GYPB: variants seen among roughly 807,000 people sequenced by gnomAD.
The protein encoded by GYPB is glycophorin-B.
Under a neutral mutation model 15.3 loss-of-function variants are expected in GYPB, and 13 were observed. The ratio of observed to expected loss-of-function variants is 0.85; its 90% CI spans 0.55 to 1.35. The LOEUF (loss-of-function observed/expected upper bound fraction) is 1.35. Ranked by LOEUF, GYPB falls within the 40% of genes most tolerant of loss-of-function variation. The probability of loss-of-function intolerance (pLI) is 0.00; values close to 1 mark genes in which losing one functional copy is unlikely to be tolerated. For synonymous variants in GYPB, 38 were observed against 36.9 expected (o/e 1.03, Z -0.11); for missense variants, 131 against 108.3 (o/e 1.21, Z -0.93).
intron 1 of GYPB, among the ~76,000 whole-genome samples, chr4:144,015,744 C>G (rs1728453396): frequency 6.6e-6 from 1 of 151,248 alleles, no homozygotes; most frequent in South Asian, 2.1e-4. Context: ...TATTTCACAC[C>G]ATGCTAAATA....
intron 1 of GYPB, among the ~76,000 whole-genome samples, chr4:144,018,110 T>C (rs2149972592): frequency 6.6e-6 from 1 of 151,496 alleles, no homozygotes; most frequent in African/African-American, 2.5e-5. Flanking sequence ...CGCTTAACAT[T>C]TTACTTTGTT....
At position 144,019,270 on chromosome 4, in the gene GYPB, G is replaced by T. The variant is rs776532157; in HGVS notation, c.18C>A (p.Ile6=). 1.5e-5 allele frequency: 24 copies of T among 1,611,526 alleles called. No individual in the cohort carries two copies. Among genetic ancestry groups the T allele is most frequent in the Non-Finnish European group, 1.6e-5 (19 of 1,179,414 alleles). Residue 6 remains isoleucine (I), a synonymous_variant, in exon 1 of 5, where the codon ATC becomes ATA. Transcript: ENST00000502664. MYGKI[I]FVLLLSEIVS... ...ACTTACCTGACAATAGTAATACAAAGATTATTTTTCCATACATCCTGAGAT... is the reference window on the plus strand; with the variant it reads ...ACTTACCTGACAATAGTAATACAAATATTATTTTTCCATACATCCTGAGAT...
chr4:144,001,111 A>G (rs1727596510), intron 2 of GYPB, 74 bp downstream of exon 2: 1 of 1,610,402 alleles, frequency 6.2e-7, no homozygotes, highest in African/African-American at 1.4e-5. Flanking sequence ...CTGCAGTGAC[A>G]GGTCCCCTAA....
At chr4:144,014,741 A>C (rs139790967) in intron 1 of GYPB, among the ~76,000 whole-genome samples, 1 of 151,410 alleles carries the variant, frequency 6.6e-6, no homozygotes, top group Non-Finnish European at 1.5e-5. Flanking sequence ...AAATGCTACC[A>C]ATTGTACACT....
rs1560703055 is a variant in GYPB, at chr4:143,997,597, C to G, written c.213G>C (p.Met71Ile). The G allele has an allele frequency of 3.8e-6, 6 of 1,596,702 alleles. No individual in the cohort carries two copies. The highest frequency in any genetic ancestry group is 5.1e-6 in the Non-Finnish European group (6 of 1,166,612). Residue 71 changes from methionine to isoleucine, a missense_variant, in exon 4 of 5, where the codon ATG becomes ATC. Coordinates refer to ENST00000502664, the MANE Select transcript of GYPB (RefSeq NM_002100.6). ...VVIILIILCV[M>I]AGIIGTILLI... ...AGAGGATCGTTCCAATAATACCAGC[C>G]ATCACACACAAAATAATGAGTATTA...
At chr4:144,000,498 A>C (rs1426351096) in intron 2 of GYPB, 4 of 709,540 alleles carry the variant, frequency 5.6e-6, no homozygotes, top group Non-Finnish European at 6.3e-6. Flanking sequence ...GAAGTTGAGA[A>C]AGGGAACAAG....
Position 144,001,230 on chromosome 4 carries a change from T to A in GYPB, c.91A>T (p.Thr31Ser), listed in dbSNP as rs1727604981. Residue 31 changes from threonine (T) to serine (S), a missense_variant, in exon 2 of 5, where the codon ACC (threonine) becomes TCC (serine). Thr to Ser is a moderately conservative substitution (Grantham distance 58, BLOSUM62 1). Coordinates refer to ENST00000502664, the MANE Select transcript of GYPB (RefSeq NM_002100.6). Reference protein sequence around the residue: ...STTEVAMHTSTSSSVTKSYIS... With the variant: ...STTEVAMHTSSSSSVTKSYIS... Reference sequence around the variant, plus strand: ...TAACTCTTTGTGACTGAAGAAGAGGTTGAAGTGTGCATTGCCACCTCAGTG... The same window carrying A: ...TAACTCTTTGTGACTGAAGAAGAGGATGAAGTGTGCATTGCCACCTCAGTG... 6.2e-7 allele frequency: 1 copy of A among 1,612,716 alleles called. No homozygotes were observed. The highest frequency in any genetic ancestry group is 1.4e-5 in the African/African-American group (1 of 73,942).
chr4:144,001,901 C>A (rs780127073), intron 1 of GYPB, among the ~76,000 whole-genome samples: 3 of 135,492 alleles, frequency 2.2e-5, no homozygotes, highest in African/African-American at 5.6e-5. Context: ...CCCAGGAGGC[C>A]GAGCTTGCAG....
chr4:144,017,038 A>G (rs1452777040), intron 1 of GYPB, among the ~76,000 whole-genome samples: 5 of 150,682 alleles, frequency 3.3e-5, no homozygotes, highest in Non-Finnish European at 7.4e-5. Context: ...TTAATAAGAT[A>G]GTTGTTGTTC....
chr4:144,003,811 T>G lies in GYPB; in HGVS notation c.38-2528A>C, dbSNP rs368276263. Among the ~76,000 whole-genome samples the G allele has an allele frequency of 2.4e-3, 371 of 151,450 alleles. 18 individuals carry two copies. The highest frequency in any genetic ancestry group is 0.017 in the Middle Eastern group (5 of 294). The stretch of plus-strand genomic sequence containing the variant: ...GGCTGAAACCCCAGAGATCAAACAC[T>G]GTACTCAAGTTTACAAAGCTGGACT... On this transcript the variant is annotated intron_variant, in intron 1 of 4. Coordinates refer to ENST00000502664, the MANE Select transcript of GYPB (RefSeq NM_002100.6).
At chr4:144,009,601 C>CTTTTTTTTTTTTTTTTTTTTTTTTTTT in intron 1 of GYPB, among the ~76,000 whole-genome samples, 1 of 57,782 alleles carries the variant, frequency 1.7e-5, no homozygotes, top group Non-Finnish European at 2.8e-5. Flanking sequence ...TTTTTTCTTT[C>CTTTTTTTTTTTTTTTTTTTTTTTTTTT]TTTTTTTTTT....
chr4:144,006,973 C>T (rs1310765009), intron 1 of GYPB, among the ~76,000 whole-genome samples: 4 of 150,726 alleles, frequency 2.7e-5, no homozygotes, highest in Non-Finnish European at 5.9e-5. Flanking sequence ...TTGAAGAAGA[C>T]TGTTCCCATG....
intron 2 of GYPB, 55 bp downstream of exon 2, chr4:144,001,130 T>C: frequency 6.2e-7 from 1 of 1,612,222 alleles, no homozygotes. Context: ...AAAATAGGGT[T>C]GCATCACAAA....
chr4:143,999,296 G>A lies in GYPB; in HGVS notation c.175+115C>T, dbSNP rs536542108. ...GTCTTTACAATTTCGTGTGAATAAA[G>A]TTAACAACATATGCTCTTCTGTTTT... On this transcript the variant is annotated intron_variant, in intron 3 of 4. Coordinates refer to ENST00000502664, the MANE Select transcript of GYPB (RefSeq NM_002100.6). 5 of 637,350 alleles carry A rather than the reference G, an allele frequency of 7.8e-6. No homozygotes were observed. In the African/African-American group the frequency reaches 9.9e-5, roughly 13 times the overall value. The allele number at this position is 637,350 out of a possible 1,614,324, so 39.5% of individuals were successfully genotyped here.
At chr4:144,003,274 C>T (rs1727720611) in intron 1 of GYPB, among the ~76,000 whole-genome samples, 1 of 151,252 alleles carries the variant, frequency 6.6e-6, no homozygotes, top group Non-Finnish European at 1.5e-5. Flanking sequence ...AAATCACTGT[C>T]AGTAGTATGG....
At chr4:144,018,017 G>A (rs1308399874) in intron 1 of GYPB, among the ~76,000 whole-genome samples, 4 of 151,022 alleles carry the variant, frequency 2.6e-5, no homozygotes, top group African/African-American at 9.9e-5. Flanking sequence ...ATTATTGATA[G>A]CTACTAATTA....
intron 1 of GYPB, among the ~76,000 whole-genome samples, chr4:144,018,716 A>C (rs937867546): frequency 1.3e-5 from 2 of 151,370 alleles, no homozygotes; most frequent in Non-Finnish European, 2.9e-5. Context: ...CACCTAAGCC[A>C]GTAAGAGTTG....
Position 144,019,232 on chromosome 4 carries a change from A to G in GYPB, c.37+19T>C, listed in dbSNP as rs1345127677. 2 of 1,610,554 alleles carry G rather than the reference A, an allele frequency of 1.2e-6. No homozygotes were observed. Among genetic ancestry groups the G allele is most frequent in the South Asian group, 1.1e-5 (1 of 90,906 alleles). ...TCATACCCAATATAACAGAACCAAG[A>G]TGAAATAAAATCACTTACCTGACAA... On this transcript the variant is annotated intron_variant, in intron 1 of 4. Coordinates refer to ENST00000502664, the MANE Select transcript of GYPB (RefSeq NM_002100.6).
intron 1 of GYPB, among the ~76,000 whole-genome samples, chr4:144,010,135 GA>G (rs1728142638): frequency 1.3e-5 from 2 of 151,156 alleles, no homozygotes; most frequent in African/African-American, 4.9e-5. Flanking sequence ...AATGGGCTAT[GA>G]AATCAGTCCA....
Sources: gnomAD v4.1 joint callset for allele counts (sites outside exome capture counted in the v4.1 genomes callset) on GRCh38, gnomAD v4.1.1 for gene constraint, MANE v1.5 for transcripts, NCBI Gene and HGNC (gene_info 2026-07-23, HGNC 2026-07-21) for gene names.